The following SLC26A5 variants were observed in gnomAD, a reference collection of about 807,000 sequenced individuals.
The protein encoded by SLC26A5 is solute carrier family 26 member 5, also known as prestin.
SLC26A5 carries 51 observed loss-of-function variants against 81.0 expected under a neutral mutation model. The observed-to-expected ratio is 0.63, with a 90% CI of 0.50 to 0.80. The LOEUF (loss-of-function observed/expected upper bound fraction) is 0.80, where lower values mean the gene tolerates loss of function less well. Among genes scored for constraint, SLC26A5 ranks in the 30% least tolerant of loss-of-function variants. SLC26A5 has a pLI of 0.00. For synonymous variants in SLC26A5, 325 were observed against 332.8 expected, an observed-to-expected ratio of 0.98 and a Z score of 0.25; for missense variants, 771 against 905.8, an observed-to-expected ratio of 0.85 and a Z score of 1.91.
At position 103,367,885 on chromosome 7, in the gene SLC26A5, T is replaced by TTTG. The variant is rs1820800827; in HGVS notation, c.2041+8920_2041+8922dup. 8.1e-6 allele frequency: 13 copies of TTTG among 1,611,690 alleles called. No homozygotes were observed. The highest frequency in any genetic ancestry group is 1.0e-5 in the Non-Finnish European group (12 of 1,179,070). On this transcript the variant is annotated intron_variant, in intron 19 of 19. Coordinates refer to the SLC26A5 transcript ENST00000339444. The surrounding 1 kb of genome is among the most constrained non-coding windows in gnomAD (Gnocchi z 6.1). ...TTTAATTAAGCCCGTTTATTTTCTT[T>TTTG]TTGTTTGAAAGGTGCTGAGATTAGA...
intron 8 of SLC26A5, among the ~76,000 whole-genome samples, chr7:103,407,414 A>T (rs948339030): frequency 3.3e-5 from 5 of 152,212 alleles, no homozygotes; most frequent in African/African-American, 1.2e-4. Context: ...AGTGGACCTA[A>T]CTACTTAATA....
At position 103,377,585 on chromosome 7, in the gene SLC26A5, A is replaced by G. The variant is rs1821447068; in HGVS notation, c.1986+14T>C. ...CATAGAGGTATTAAATGACTCGTTC[A>G]AGAGGATGCTTACCCCTGCCAGAGT... On this transcript the variant is annotated intron_variant, in intron 18 of 19. Coordinates refer to ENST00000306312, the MANE Select transcript of SLC26A5 (RefSeq NM_198999.3). 1 of 1,613,034 alleles carries G rather than the reference A, an allele frequency of 6.2e-7. No homozygotes were observed. Among genetic ancestry groups the G allele is most frequent in the African/African-American group, 1.3e-5 (1 of 74,912 alleles).
At chr7:103,440,227 G>C (rs1826778644) in intron 2 of SLC26A5, among the ~76,000 whole-genome samples, 1 of 152,162 alleles carries the variant, frequency 6.6e-6, no homozygotes, top group Admixed American at 6.5e-5. Flanking sequence ...AATAAAGCAA[G>C]AAAGGAAGCA....
At chr7:103,408,112 T>C (rs1051260305) in intron 7 of SLC26A5, 109 bp from the exon 8 acceptor site, 91 of 1,422,544 alleles carry the variant, frequency 6.4e-5, no homozygotes, top group Non-Finnish European at 8.2e-5. Flanking sequence ...TGGATATTTC[T>C]AGTGGAAAGT....
chr7:103,360,975 G>A (rs188287455), intron 19 of SLC26A5, among the ~76,000 whole-genome samples: 8 of 152,140 alleles, frequency 5.3e-5, no homozygotes, highest in African/African-American at 1.9e-4. Flanking sequence ...TTAGCCGGGC[G>A]TGCTGGCGCA....
At chr7:103,401,157 G>T (rs1823556558) in intron 8 of SLC26A5, among the ~76,000 whole-genome samples, 1 of 152,026 alleles carries the variant, frequency 6.6e-6, no homozygotes, top group Non-Finnish European at 1.5e-5. Context: ...AAATTACTTT[G>T]GGCAGTATGA....
chr7:103,381,031 C>T (rs910229429), intron 14 of SLC26A5, among the ~76,000 whole-genome samples: 1 of 150,976 alleles, frequency 6.6e-6, no homozygotes, highest in African/African-American at 2.4e-5. Flanking sequence ...AATGCACACA[C>T]ACCATACATA....
chr7:103,359,135 T>A (rs1176434788), intron 19 of SLC26A5, among the ~76,000 whole-genome samples: 1 of 111,570 alleles, frequency 9.0e-6, no homozygotes, highest in Non-Finnish European at 1.8e-5. Context: ...ACCCCATGTC[T>A]GGCTTTTTTT....
At chr7:103,361,068 C>T (rs578187866) in intron 19 of SLC26A5, among the ~76,000 whole-genome samples, 39 of 151,218 alleles carry the variant, frequency 2.6e-4, no homozygotes, top group African/African-American at 8.5e-4. Flanking sequence ...GAGCCGAGAT[C>T]GCACCACTGC....
downstream of SLC26A5, among the ~76,000 whole-genome samples, chr7:103,371,433 T>A (rs886593390): frequency 4.0e-5 from 6 of 150,708 alleles, no homozygotes; most frequent in African/African-American, 1.2e-4. Context: ...CACGCCATTC[T>A]CCTGCCTCAG....
intron 15 of SLC26A5, 40 bp downstream of exon 15, chr7:103,380,440 C>T: frequency 6.5e-7 from 1 of 1,538,144 alleles, no homozygotes; most frequent in African/African-American, 1.4e-5. Flanking sequence ...AAGCACATCA[C>T]ATGCTTACAA....
At chr7:103,389,868 T>A (rs942499018) in intron 12 of SLC26A5, among the ~76,000 whole-genome samples, 1 of 152,152 alleles carries the variant, frequency 6.6e-6, no homozygotes, top group Non-Finnish European at 1.5e-5. Context: ...CCACAGGTTA[T>A]CTGCCCGCCT....
At chr7:103,394,304 A>G (rs1320129064) in intron 9 of SLC26A5, among the ~76,000 whole-genome samples, 1 of 152,154 alleles carries the variant, frequency 6.6e-6, no homozygotes, top group African/African-American at 2.4e-5. Flanking sequence ...CTATTATCCC[A>G]ATTTGTAGGT....
At chr7:103,380,570 A>G in intron 14 of SLC26A5, 21 bp from the exon 15 acceptor site, 1 of 1,607,520 alleles carries the variant, frequency 6.2e-7, no homozygotes, top group Non-Finnish European at 8.5e-7. Flanking sequence ...AGAGTGTTAA[A>G]TACCATTGTG....
chr7:103,405,931 G>A (rs559887845), intron 8 of SLC26A5, among the ~76,000 whole-genome samples: 120 of 152,248 alleles, frequency 7.9e-4, no homozygotes, highest in African/African-American at 2.7e-3. Context: ...GCTGAGCTGC[G>A]GTGGAATCCA....
intron 19 of SLC26A5, chr7:103,368,097 A>G (rs777085788): frequency 1.9e-6 from 3 of 1,542,704 alleles, no homozygotes; most frequent in Non-Finnish European, 2.6e-6. Context: ...TGGAATCCTA[A>G]CCTTATATAG....
chr7:103,353,237 T>C (rs1819827762), intron 19 of SLC26A5, among the ~76,000 whole-genome samples: 3 of 152,226 alleles, frequency 2.0e-5, no homozygotes, highest in African/African-American at 7.2e-5. Flanking sequence ...CCTGATTCAC[T>C]GAATAGCATT....
intron 11 of SLC26A5, among the ~76,000 whole-genome samples, chr7:103,391,223 T>C (rs1822625125): frequency 6.6e-6 from 1 of 152,226 alleles, no homozygotes; most frequent in Admixed American, 6.5e-5. Flanking sequence ...ACATTTCAAG[T>C]GCTCAAGAGC....
At chr7:103,362,114 C>A in intron 19 of SLC26A5, 2 of 1,610,776 alleles carry the variant, frequency 1.2e-6, no homozygotes, top group African/African-American at 1.3e-5. Flanking sequence ...ACAATAAATA[C>A]TTTTCTTTCA....
Sources: gnomAD v4.1 joint callset for allele counts (sites outside exome capture counted in the v4.1 genomes callset) on GRCh38, gnomAD v4.1.1 for gene constraint, Gnocchi (gnomAD v3.1) non-coding constraint, MANE v1.5 for transcripts, NCBI Gene and HGNC (gene_info 2026-07-23, HGNC 2026-07-21) for gene names.